Variants in C14orf39 observed in about 807,000 individuals in gnomAD.
The protein encoded by C14orf39 is protein SIX6OS1.
C14orf39 carries 66 observed loss-of-function variants against 85.6 expected under a neutral mutation model. The observed-to-expected ratio is 0.77, with a 90% CI of 0.63 to 0.95. The LOEUF (loss-of-function observed/expected upper bound fraction) is 0.95, where lower values mean the gene tolerates loss of function less well. Ranked by LOEUF, C14orf39 falls within the 40% of genes least tolerant of loss-of-function variation. The pLI, the probability that C14orf39 is intolerant of heterozygous loss-of-function variation, is 0.00. For synonymous variants in C14orf39, 242 were observed against 214.0 expected, an observed-to-expected ratio of 1.13 and a Z score of -1.14; for missense variants, 735 against 663.9, an observed-to-expected ratio of 1.11 and a Z score of -1.18.
intron 16 of C14orf39, among the ~76,000 whole-genome samples, chr14:60,443,318 CA>C (rs1223037517): frequency 6.6e-6 from 1 of 152,180 alleles, no homozygotes; most frequent in African/African-American, 2.4e-5. Context: ...CACTCCCGCC[CA>C]AATACTGCAC....
At chr14:60,464,696 A>G (rs150731925) in intron 11 of C14orf39, among the ~76,000 whole-genome samples, 601 of 152,088 alleles carry the variant, frequency 4.0e-3, no homozygotes, top group African/African-American at 0.014. Context: ...TTTGCCTGAT[A>G]TATTTTCTTC....
chr14:60,476,804 C>G (rs867408924), intron 5 of C14orf39, among the ~76,000 whole-genome samples: 2 of 152,038 alleles, frequency 1.3e-5, no homozygotes, highest in Non-Finnish European at 2.9e-5. Context: ...TTTAGAGGAC[C>G]CAGAGGAGAA....
intron 17 of C14orf39, 102 bp downstream of exon 17, chr14:60,441,972 C>G (rs1190144672): frequency 1.3e-6 from 1 of 742,446 alleles, no homozygotes; most frequent in Non-Finnish European, 2.3e-6. Flanking sequence ...ACAGTAATTT[C>G]TAAAGAATAA....
At chr14:60,466,876 C>CAA in intron 10 of C14orf39, 41 bp downstream of exon 10, 1 of 1,416,250 alleles carries the variant, frequency 7.1e-7, no homozygotes, top group Non-Finnish European at 9.3e-7. Flanking sequence ...TGTGTGTTTG[C>CAA]AAAAAAAATG....
chr14:60,443,143 G>A (rs1369169264), intron 16 of C14orf39, among the ~76,000 whole-genome samples: 1 of 152,136 alleles, frequency 6.6e-6, no homozygotes, highest in Non-Finnish European at 1.5e-5. Flanking sequence ...TCCAACTGAG[G>A]TACCTGGTTC....
chr14:60,489,560 C>T (rs998137696), upstream of C14orf39, among the ~76,000 whole-genome samples: 11 of 152,188 alleles, frequency 7.2e-5, no homozygotes, highest in Admixed American at 6.5e-4. Context: ...CTTCATTAAT[C>T]TATCCTCCTT....
intron 13 of C14orf39, among the ~76,000 whole-genome samples, chr14:60,459,963 A>G (rs1433775966): frequency 3.3e-5 from 5 of 151,636 alleles, no homozygotes; most frequent in Non-Finnish European, 7.4e-5. Flanking sequence ...ATATTGCCAA[A>G]TTTCTCCATC....
intron 1 of C14orf39, among the ~76,000 whole-genome samples, chr14:60,508,489 T>C (rs370124843): frequency 2.6e-5 from 4 of 152,288 alleles, no homozygotes; most frequent in African/African-American, 9.6e-5. Flanking sequence ...GACGTGAACA[T>C]GTCCTTGTTG....
chr14:60,463,392 T>C (rs927192279), intron 11 of C14orf39, among the ~76,000 whole-genome samples: 1 of 152,166 alleles, frequency 6.6e-6, no homozygotes, highest in African/African-American at 2.4e-5. Flanking sequence ...TCTCTTATCA[T>C]ATATGTTTTT....
intron 1 of C14orf39, chr14:60,509,961 C>A: frequency 6.2e-7 from 1 of 1,603,056 alleles, no homozygotes; most frequent in Non-Finnish European, 8.5e-7. Context: ...GCGGCTGCAG[C>A]CAAGAACAGG....
At chr14:60,507,744 G>A (rs1433965019) in intron 1 of C14orf39, among the ~76,000 whole-genome samples, 1 of 152,082 alleles carries the variant, frequency 6.6e-6, no homozygotes, top group East Asian at 1.9e-4. Context: ...TGTACAAGCC[G>A]CATACAAATT....
chr14:60,484,848 A>C lies in C14orf39; in HGVS notation c.106+33T>G. 1 of 1,445,292 alleles carries C rather than the reference A, an allele frequency of 6.9e-7. No homozygotes were observed. Among genetic ancestry groups the C allele is most frequent in the Non-Finnish European group, 9.6e-7 (1 of 1,045,890 alleles). 89.5% of individuals were successfully genotyped at this position (1,445,292 alleles called of 1,614,324 possible). ...GTTATATGCCATAAGGAATTAAAAG[A>C]CTAAAATATCTTGATCATGCAAAGC... On this transcript the variant is annotated intron_variant, in intron 3 of 17. Coordinates refer to ENST00000321731, the MANE Select transcript of C14orf39 (RefSeq NM_174978.3). This position sits in a 1 kb window ranked among gnomAD's most constrained non-coding sequence, Gnocchi z 4.2.
intron 16 of C14orf39, among the ~76,000 whole-genome samples, chr14:60,451,480 C>T (rs1891032228): frequency 6.6e-6 from 1 of 152,104 alleles, no homozygotes; most frequent in African/African-American, 2.4e-5. Flanking sequence ...AAATGTGGCA[C>T]ATATACATCA....
intron 2 of C14orf39, among the ~76,000 whole-genome samples, chr14:60,498,401 C>T (rs1302603769): frequency 1.3e-5 from 2 of 152,208 alleles, no homozygotes; most frequent in Non-Finnish European, 2.9e-5. Flanking sequence ...TCTCAGGCTT[C>T]AGCCTGGGTG....
chr14:60,447,201 G>GT (rs1402784434), intron 16 of C14orf39, among the ~76,000 whole-genome samples: 3 of 152,290 alleles, frequency 2.0e-5, no homozygotes, highest in African/African-American at 7.2e-5. Flanking sequence ...TCTGGCCAGG[G>GT]CAATCAGGCA....
intron 16 of C14orf39, among the ~76,000 whole-genome samples, chr14:60,444,212 GGAT>G (rs1890656093): frequency 6.6e-6 from 1 of 152,144 alleles, no homozygotes. Context: ...ACGAGTTGAT[GGAT>G]GCAGGCTTCA....
chr14:60,472,634 G>A (rs1175920101), intron 5 of C14orf39, among the ~76,000 whole-genome samples: 2 of 151,992 alleles, frequency 1.3e-5, no homozygotes, highest in African/African-American at 4.8e-5. Context: ...TCCCACCTAC[G>A]AGTGAGAATA....
rs774424098 is a variant in C14orf39 at position 60,465,989 on chromosome 14, TTTTC to T, written c.958_961del (p.Glu320MetfsTer35). The T allele has an allele frequency of 6.4e-7, 1 of 1,553,118 alleles. No homozygotes were observed. The highest frequency in any genetic ancestry group is 8.7e-7 in the Non-Finnish European group (1 of 1,153,034). On this transcript the variant is annotated frameshift_variant, in exon 11 of 18. Transcript: ENST00000321731. LOFTEE classifies it high-confidence loss of function. ...AAGTGAGACACCTACCTGTGTATCATTTTCTTTTTGTCTAAAGTCAATATTGGCA... is the reference window on the plus strand; with the variant it reads ...AAGTGAGACACCTACCTGTGTATCATTTTTTGTCTAAAGTCAATATTGGCA...
intron 17 of C14orf39, among the ~76,000 whole-genome samples, chr14:60,441,340 G>T (rs1482216118): frequency 1.3e-5 from 2 of 152,154 alleles, no homozygotes; most frequent in East Asian, 3.8e-4. Flanking sequence ...TGTTCCTTGG[G>T]TGGCAGTGGC....
Sources: gnomAD v4.1 joint callset for allele counts (sites outside exome capture counted in the v4.1 genomes callset) on GRCh38, gnomAD v4.1.1 for gene constraint, Gnocchi (gnomAD v3.1) non-coding constraint, MANE v1.5 for transcripts, NCBI Gene and HGNC (gene_info 2026-07-23, HGNC 2026-07-21) for gene names.